The following CCNJL variants were observed in gnomAD, a reference collection of about 807,000 sequenced individuals.
CCNJL encodes the protein cyclin-J-like protein.
In CCNJL, 33 loss-of-function variants were observed where a neutral mutation model predicts 33.4. The observed-to-expected ratio is 0.99, with a 90% CI of 0.75 to 1.32. The LOEUF (loss-of-function observed/expected upper bound fraction) is 1.32. Ranked by LOEUF, CCNJL falls within the 40% of genes most tolerant of loss-of-function variation. The probability of loss-of-function intolerance (pLI) is 0.00; values close to 1 mark genes in which losing one functional copy is unlikely to be tolerated. For synonymous variants in CCNJL, 227 were observed against 220.9 expected (o/e 1.03, Z -0.24); for missense variants, 512 against 499.7 (o/e 1.02, Z -0.23).
chr5:160,282,986 TATATATATATATATATATATATAC>T (rs1417368990), intron 2 of CCNJL, among the ~76,000 whole-genome samples: 869 of 57,858 alleles, frequency 0.015, 28 homozygotes, highest in African/African-American at 0.048. Flanking sequence ...TATATATATA[TATATATATATATATATATATATAC>T]ATATATATAT....
At chr5:160,305,335 A>T (rs547770239) in intron 2 of CCNJL, among the ~76,000 whole-genome samples, 116 of 152,372 alleles carry the variant, frequency 7.6e-4, no homozygotes, top group African/African-American at 2.7e-3. Flanking sequence ...GAGTTCGGCA[A>T]GCGGGGGGGC....
At chr5:160,265,839 C>T (rs1761558167) in intron 3 of CCNJL, among the ~76,000 whole-genome samples, 1 of 141,138 alleles carries the variant, frequency 7.1e-6, no homozygotes, top group Admixed American at 7.6e-5. Context: ...GGCGACAGAG[C>T]GAGACTCCGT....
At chr5:160,260,222 G>A (rs992518795) in intron 3 of CCNJL, among the ~76,000 whole-genome samples, 1 of 152,132 alleles carries the variant, frequency 6.6e-6, no homozygotes, top group African/African-American at 2.4e-5. Flanking sequence ...GCATGGCCAC[G>A]CAAACCTGGC....
At chr5:160,288,966 G>A (rs1023181591) in intron 2 of CCNJL, among the ~76,000 whole-genome samples, 7 of 151,852 alleles carry the variant, frequency 4.6e-5, no homozygotes, top group African/African-American at 1.7e-4. Context: ...ATGCCATAGC[G>A]ATCTACAACT....
At chr5:160,286,318 A>T (rs1409856493) in intron 2 of CCNJL, among the ~76,000 whole-genome samples, 1 of 152,200 alleles carries the variant, frequency 6.6e-6, no homozygotes, top group African/African-American at 2.4e-5. Context: ...CCTTGAGCAG[A>T]TTCTCAAAGA....
intron 2 of CCNJL, among the ~76,000 whole-genome samples, chr5:160,290,091 A>G (rs2113386105): frequency 6.6e-6 from 1 of 152,198 alleles, no homozygotes; most frequent in Middle Eastern, 3.4e-3. Context: ...TGTACTATGA[A>G]AGTTCCGCCA....
At chr5:160,262,761 A>T (rs1761399808) in intron 3 of CCNJL, among the ~76,000 whole-genome samples, 1 of 152,224 alleles carries the variant, frequency 6.6e-6, no homozygotes, top group South Asian at 2.1e-4. Flanking sequence ...CCAGCAGTTA[A>T]AAAGCAGCCA....
At chr5:160,336,371 C>T (rs1581025627) in intron 1 of CCNJL, among the ~76,000 whole-genome samples, 1 of 152,150 alleles carries the variant, frequency 6.6e-6, no homozygotes, top group African/African-American at 2.4e-5. Context: ...GAGAGGAGAA[C>T]CACTCAGAAG....
At chr5:160,310,432 T>C (rs1353868290) in intron 2 of CCNJL, among the ~76,000 whole-genome samples, 3 of 152,004 alleles carry the variant, frequency 2.0e-5, no homozygotes, top group Non-Finnish European at 2.9e-5. Flanking sequence ...AAAAAGGCAT[T>C]AATTGGACAG....
chr5:160,309,505 C>T (rs191565294), intron 2 of CCNJL, among the ~76,000 whole-genome samples: 424 of 152,326 alleles, frequency 2.8e-3, no homozygotes, highest in Non-Finnish European at 4.9e-3. Flanking sequence ...GTGCCACGCT[C>T]TTGTAAAGTT....
At chr5:160,309,724 T>C (rs1260778064) in intron 2 of CCNJL, among the ~76,000 whole-genome samples, 1 of 151,972 alleles carries the variant, frequency 6.6e-6, no homozygotes, top group Admixed American at 6.6e-5. Context: ...GGAGAGGAAA[T>C]AAAGTAAAGG....
intron 1 of CCNJL, chr5:160,326,641 G>C: frequency 1.4e-6 from 1 of 697,724 alleles, no homozygotes. Flanking sequence ...TAGGTTCTTA[G>C]AGTTAAAAGC....
Position 160,251,283 on chromosome 5 carries a change from C to T in CCNJL, c.*2095G>A, listed in dbSNP as rs1229544582. ...GTGGGCCTGCCCTACAGATTTTGAA[C>T]TCTACTGCAACATCAGCTCTTACCT... On this transcript the variant is annotated 3_prime_UTR_variant, in exon 6 of 6. Coordinates refer to ENST00000257536, the MANE Select transcript of CCNJL (RefSeq NM_001308173.3). The T allele has an allele frequency of 6.6e-6, 1 of 152,222 alleles. No individual in the cohort carries two copies. The highest frequency in any genetic ancestry group is 1.5e-5 in the Non-Finnish European group (1 of 68,042). The allele number at this position is 152,222 out of a possible 1,614,324, so 9.4% of individuals were successfully genotyped here. A position where few individuals can be genotyped will look rare whatever the true frequency, so the allele number is the denominator to read the frequency against.
intron 4 of CCNJL, chr5:160,258,513 A>G (rs1580945634): frequency 6.7e-7 from 1 of 1,498,638 alleles, no homozygotes; most frequent in African/African-American, 1.4e-5. Flanking sequence ...ATGAAGAGGA[A>G]AATTTCTACC....
At chr5:160,261,637 A>G (rs1471481480) in intron 3 of CCNJL, among the ~76,000 whole-genome samples, 1 of 134,132 alleles carries the variant, frequency 7.5e-6, no homozygotes, top group Non-Finnish European at 1.6e-5. Context: ...TCCCCCCAAC[A>G]CTCCCTCTTC....
chr5:160,254,463 A>G (rs983035672), intron 5 of CCNJL: 1 of 497,722 alleles, frequency 2.0e-6, no homozygotes, highest in Non-Finnish European at 3.5e-6. Context: ...CTTCTCAAAA[A>G]CACAAATTTT....
intron 1 of CCNJL, among the ~76,000 whole-genome samples, chr5:160,326,370 G>A (rs761006059): frequency 1.3e-5 from 2 of 151,616 alleles, no homozygotes; most frequent in Non-Finnish European, 2.9e-5. Flanking sequence ...AGCTACTTGG[G>A]TGGCTGAGGC....
chr5:160,280,151 G>A (rs552900360), intron 3 of CCNJL, among the ~76,000 whole-genome samples: 1 of 152,156 alleles, frequency 6.6e-6, no homozygotes, highest in Admixed American at 6.5e-5. Context: ...GAGACAGGAG[G>A]TTGAGGGCAC....
At chr5:160,267,230 A>G (rs1278440782) in intron 3 of CCNJL, among the ~76,000 whole-genome samples, 1 of 151,932 alleles carries the variant, frequency 6.6e-6, no homozygotes, top group Non-Finnish European at 1.5e-5. Context: ...TGGGTGGGCT[A>G]GGGGGTCTGT....
Sources: gnomAD v4.1 joint callset for allele counts (sites outside exome capture counted in the v4.1 genomes callset) on GRCh38, gnomAD v4.1.1 for gene constraint, MANE v1.5 for transcripts, NCBI Gene and HGNC (gene_info 2026-07-23, HGNC 2026-07-21) for gene names.